CSMD3: variants seen among roughly 807,000 people sequenced by gnomAD.
The protein encoded by CSMD3 is CUB and Sushi multiple domains 3, also known as CUB and sushi domain-containing protein 3.
A neutral mutation model predicts 435.2 loss-of-function variants in CSMD3; 177 were observed. That is an observed-to-expected ratio of 0.41 (90% CI 0.36 to 0.46). The LOEUF (loss-of-function observed/expected upper bound fraction) is 0.46, where lower values mean the gene tolerates loss of function less well. Among genes scored for constraint, CSMD3 ranks in the 20% least tolerant of loss-of-function variants. The pLI is 0.34. For synonymous variants in CSMD3, 1,656 were observed against 1,520.5 expected (o/e 1.09, Z -2.07); for missense variants, 4,265 against 4,504.6 (o/e 0.95, Z 1.52).
chr8:113,274,754 C>T lies in CSMD3; in HGVS notation c.514+3838G>A, dbSNP rs187038156. ...TTGTTCATTAGCTTGATGACCTTTA[C>T]TCACCTAATAATGATTTTTAAAGAA... On this transcript the variant is annotated intron_variant, in intron 3 of 70. Coordinates refer to ENST00000297405, the MANE Select transcript of CSMD3 (RefSeq NM_198123.2). 2.6e-5 allele frequency among the ~76,000 whole-genome samples: 4 copies of T among 151,706 alleles called. No homozygotes were observed. In the Admixed American group the frequency reaches 2.6e-4, roughly 10 times the overall value.
intron 10 of CSMD3, among the ~76,000 whole-genome samples, chr8:112,920,963 T>G (rs1250660724): frequency 7.9e-6 from 1 of 125,798 alleles, no homozygotes; most frequent in Admixed American, 8.2e-5. Context: ...ATACTGGTAT[T>G]TATATATATA....
chr8:113,075,561 G>T (rs2089302424), intron 5 of CSMD3, among the ~76,000 whole-genome samples: 1 of 151,804 alleles, frequency 6.6e-6, no homozygotes, highest in Non-Finnish European at 1.5e-5. Flanking sequence ...ATCTATATAT[G>T]CAGTCAGAAT....
rs142548238 is a variant in CSMD3 at position 112,543,502 on chromosome 8, T to A, written c.4564+7169A>T. 3.9e-3 allele frequency among the ~76,000 whole-genome samples: 594 copies of A among 152,150 alleles called. 1 individual carries two copies. The highest frequency in any genetic ancestry group is 0.014 in the African/African-American group (568 of 41,522). On this transcript the variant is annotated intron_variant, in intron 27 of 70. Coordinates refer to ENST00000297405, the MANE Select transcript of CSMD3 (RefSeq NM_198123.2). ...AAAGAAATGGTTAACATAACTAATC[T>A]TCAAGGAAATGCAAATAAAAATCTC...
At chr8:112,854,824 C>T (rs189554994) in intron 11 of CSMD3, among the ~76,000 whole-genome samples, 43 of 152,224 alleles carry the variant, frequency 2.8e-4, no homozygotes, top group South Asian at 4.1e-4. Flanking sequence ...TCACCTGAGG[C>T]AATTACCTTG....
chr8:112,849,013 A>G (rs1026433387), intron 11 of CSMD3, among the ~76,000 whole-genome samples: 1 of 152,134 alleles, frequency 6.6e-6, no homozygotes, highest in Admixed American at 6.6e-5. Context: ...TTAAAATACA[A>G]AAACAAATAT....
At chr8:112,540,405 A>G (rs935995130) in intron 27 of CSMD3, among the ~76,000 whole-genome samples, 5 of 152,078 alleles carry the variant, frequency 3.3e-5, no homozygotes, top group African/African-American at 7.2e-5. Flanking sequence ...TACAACTACC[A>G]TATGATCCAG....
chr8:112,605,323 T>C (rs1366241861), intron 22 of CSMD3, among the ~76,000 whole-genome samples: 2 of 152,176 alleles, frequency 1.3e-5, no homozygotes, highest in Admixed American at 6.5e-5. Flanking sequence ...TAAAGTCACA[T>C]GCATACATAT....
intron 13 of CSMD3, among the ~76,000 whole-genome samples, chr8:112,704,218 G>T (rs1012889471): frequency 6.6e-6 from 1 of 151,608 alleles, no homozygotes; most frequent in African/African-American, 2.4e-5. Flanking sequence ...TGACCTCAAT[G>T]ATCCCCCCAC....
chr8:112,811,184 A>G (rs917776624), intron 12 of CSMD3, among the ~76,000 whole-genome samples: 7 of 152,198 alleles, frequency 4.6e-5, no homozygotes, highest in African/African-American at 1.7e-4. Context: ...TAGAAACAGC[A>G]ATACACATAA....
At chr8:112,920,992 C>CGT (rs1182463590) in intron 10 of CSMD3, among the ~76,000 whole-genome samples, 1 of 118,548 alleles carries the variant, frequency 8.4e-6, no homozygotes, top group Non-Finnish European at 1.7e-5. Flanking sequence ...CACATACGCG[C>CGT]GCGCGCACAC....
intron 19 of CSMD3, among the ~76,000 whole-genome samples, chr8:112,648,865 A>G (rs999887688): frequency 2.6e-5 from 4 of 152,180 alleles, no homozygotes; most frequent in Admixed American, 6.6e-5. Context: ...AACCACAGGG[A>G]TAGATGAGCA....
intron 6 of CSMD3, among the ~76,000 whole-genome samples, chr8:112,983,499 T>C (rs2085129119): frequency 6.6e-6 from 1 of 151,092 alleles, no homozygotes; most frequent in Non-Finnish European, 1.5e-5. Flanking sequence ...AAGAATTAAG[T>C]ATTGCCCAAA....
At chr8:113,236,594 T>C (rs768820270) in intron 3 of CSMD3, among the ~76,000 whole-genome samples, 14 of 152,144 alleles carry the variant, frequency 9.2e-5, no homozygotes, top group Middle Eastern at 3.4e-3. Context: ...GTCTCTTCAG[T>C]CTTTGGACTC....
intron 9 of CSMD3, among the ~76,000 whole-genome samples, chr8:112,935,574 T>C (rs574175942): frequency 1.3e-5 from 2 of 152,170 alleles, no homozygotes; most frequent in South Asian, 4.1e-4. Context: ...CATCAATATT[T>C]TATAGTTTTC....
chr8:112,798,827 G>A (rs1235179288), intron 13 of CSMD3, among the ~76,000 whole-genome samples: 1 of 151,816 alleles, frequency 6.6e-6, no homozygotes, highest in Non-Finnish European at 1.5e-5. Context: ...AGAAACACAG[G>A]AATATAAGAA....
At chr8:112,897,540 A>G (rs1401858654) in intron 10 of CSMD3, among the ~76,000 whole-genome samples, 2 of 150,784 alleles carry the variant, frequency 1.3e-5, no homozygotes, top group Non-Finnish European at 3.0e-5. Context: ...CTGATAAAGA[A>G]CTCAGAAAAC....
chr8:113,302,727 C>T (rs1016835388), intron 2 of CSMD3, among the ~76,000 whole-genome samples: 6 of 149,708 alleles, frequency 4.0e-5, no homozygotes, highest in African/African-American at 1.5e-4. Context: ...ATGCTAAAAA[C>T]TCTCAATAAA....
chr8:112,491,575 G>A (rs185361408), intron 31 of CSMD3, among the ~76,000 whole-genome samples: 76 of 152,102 alleles, frequency 5.0e-4, no homozygotes, highest in Middle Eastern at 3.4e-3. Flanking sequence ...ACTTGATTGC[G>A]GGAGGTGGAG....
intron 1 of CSMD3, among the ~76,000 whole-genome samples, chr8:113,333,629 A>G (rs2132789501): frequency 6.6e-6 from 1 of 151,954 alleles, no homozygotes; most frequent in South Asian, 2.1e-4. Context: ...TGTTCCAATG[A>G]TCTATGTTTC....
Sources: allele counts gnomAD v4.1 joint callset (sites outside exome capture counted in the v4.1 genomes callset), GRCh38; gene constraint gnomAD v4.1.1; transcripts MANE v1.5; gene names NCBI Gene and HGNC (gene_info 2026-07-23, HGNC 2026-07-21).